Variants in CPLX2 observed in about 807,000 individuals in gnomAD.
CPLX2 encodes complexin 2, also known as complexin-2.
Under a neutral mutation model 16.3 loss-of-function variants are expected in CPLX2, and 5 were observed. That is an observed-to-expected ratio of 0.31 (90% confidence interval 0.16 to 0.64). CPLX2 has a LOEUF of 0.64. Ranked by LOEUF, CPLX2 falls within the 30% of genes least tolerant of loss-of-function variation. The probability of loss-of-function intolerance (pLI) is 0.79; values close to 1 mark genes in which losing one functional copy is unlikely to be tolerated. For missense variants in CPLX2, 144 were observed against 181.4 expected, an observed-to-expected ratio of 0.79 and a Z score of 1.18; for synonymous variants, 89 against 73.2, an observed-to-expected ratio of 1.22 and a Z score of -1.10.
chr5:175,814,281 C>T (rs1418198080), intron 2 of CPLX2, among the ~76,000 whole-genome samples: 1 of 152,232 alleles, frequency 6.6e-6, no homozygotes, highest in African/African-American at 2.4e-5. Flanking sequence ...AGGGAGATTG[C>T]TGGGCAGGTG....
chr5:175,822,827 G>T (rs946886783), intron 2 of CPLX2, among the ~76,000 whole-genome samples: 5 of 152,200 alleles, frequency 3.3e-5, no homozygotes, highest in African/African-American at 1.2e-4. Context: ...TGGGTCCCAC[G>T]CTATCACACG....
chr5:175,813,348 G>T (rs1758347142), intron 2 of CPLX2, among the ~76,000 whole-genome samples: 1 of 152,244 alleles, frequency 6.6e-6, no homozygotes, highest in Non-Finnish European at 1.5e-5. Context: ...GCACAGGAAT[G>T]ACTGAAATTT....
chr5:175,869,650 A>G (rs1454257287), upstream of CPLX2, among the ~76,000 whole-genome samples: 1 of 152,194 alleles, frequency 6.6e-6, no homozygotes, highest in East Asian at 1.9e-4. Flanking sequence ...GCCAGCCCTT[A>G]AAGGGTTAAT....
chr5:175,880,193 G>A lies in CPLX2; in HGVS notation c.*148G>A, dbSNP rs1005897192. On this transcript the variant is annotated 3_prime_UTR_variant, in exon 4 of 4. Coordinates refer to ENST00000393745, the MANE Select transcript of CPLX2 (RefSeq NM_001008220.2). ...CCTGGCCAGGGGCTTCTCCCCCTCAGCTCTCCCTCACACCTCCCTTCATCC... is the reference window on the plus strand; with the variant it reads ...CCTGGCCAGGGGCTTCTCCCCCTCAACTCTCCCTCACACCTCCCTTCATCC... 2.5e-6 allele frequency: 2 copies of A among 815,770 alleles called. No individual in the cohort carries two copies. The highest frequency in any genetic ancestry group is 2.1e-6 in the Non-Finnish European group (1 of 476,516). 50.5% of individuals were successfully genotyped at this position (815,770 alleles called of 1,614,324 possible). A position where few individuals can be genotyped will look rare whatever the true frequency, so the allele number is the denominator to read the frequency against.
chr5:175,845,763 G>A lies in CPLX2; in HGVS notation c.-88-32889G>A, dbSNP rs1759032143. 6.6e-6 allele frequency among the ~76,000 whole-genome samples: 1 copy of A among 152,136 alleles called. No homozygotes were observed. ...ATAAATGGATGAGTGATGTGCCCAA[G>A]GTCACGTGGCTGTCAGATAACAGAG... is the stretch of plus-strand genomic sequence containing the variant. On this transcript the variant is annotated intron_variant, in intron 2 of 4. Transcript: ENST00000359546. This position sits in a 1 kb window ranked among gnomAD's most constrained non-coding sequence, Gnocchi z 4.0.
intron 2 of CPLX2, among the ~76,000 whole-genome samples, chr5:175,857,780 C>T (rs1212905988): frequency 6.6e-6 from 1 of 152,222 alleles, no homozygotes; most frequent in African/African-American, 2.4e-5. Flanking sequence ...CCTGTCCACT[C>T]CCACCAGAAA....
At chr5:175,821,363 C>A (rs1184931501) in intron 2 of CPLX2, among the ~76,000 whole-genome samples, 2 of 152,120 alleles carry the variant, frequency 1.3e-5, no homozygotes, top group Non-Finnish European at 2.9e-5. Flanking sequence ...CCCTCTCCAA[C>A]TTCCTGTTAC....
At chr5:175,871,365 GAGA>G (rs1367032883), upstream of CPLX2, 3 of 137,940 alleles carry the variant, frequency 2.2e-5, no homozygotes, top group African/African-American at 8.2e-5. Context: ...GAGAGAGGGA[GAGA>G]AGGAGGGGAC....
intron 2 of CPLX2, among the ~76,000 whole-genome samples, chr5:175,838,692 A>G: frequency 6.6e-6 from 1 of 152,094 alleles, no homozygotes; most frequent in East Asian, 1.9e-4. Flanking sequence ...AGTTCTTTGA[A>G]GTCCTAAGAT....
intron 2 of CPLX2, among the ~76,000 whole-genome samples, chr5:175,834,654 C>G (rs143469876): frequency 6.6e-6 from 1 of 152,122 alleles, no homozygotes; most frequent in Admixed American, 6.5e-5. Context: ...GGACAGATCA[C>G]GAGGTCAGGA....
At chr5:175,856,791 G>T (rs1051003468) in intron 2 of CPLX2, among the ~76,000 whole-genome samples, 1 of 152,154 alleles carries the variant, frequency 6.6e-6, no homozygotes, top group African/African-American at 2.4e-5. Context: ...CAGGAAGGTG[G>T]GGGGTGGGGA....
chr5:175,846,730 A>T (rs1203792022), intron 2 of CPLX2, among the ~76,000 whole-genome samples: 2 of 151,896 alleles, frequency 1.3e-5, no homozygotes, highest in Non-Finnish European at 2.9e-5. Flanking sequence ...TCAGCCCCCC[A>T]ACTCAATGCC....
upstream of CPLX2, chr5:175,871,385 G>A (rs1171569301): frequency 1.5e-5 from 2 of 134,816 alleles, no homozygotes; most frequent in Admixed American, 7.7e-5. Flanking sequence ...GGACGAGGGG[G>A]GAGGGAGGGA....
upstream of CPLX2, among the ~76,000 whole-genome samples, chr5:175,870,836 G>A (rs1759573479): frequency 6.6e-6 from 1 of 152,212 alleles, no homozygotes; most frequent in Admixed American, 6.5e-5. Flanking sequence ...GTCCACTGCA[G>A]TTTTGCATCA....
chr5:175,878,631 A>T (rs1755471587), intron 1 of CPLX2, 21 bp from the exon 2 acceptor site: 8 of 1,269,844 alleles, frequency 6.3e-6, no homozygotes, highest in Non-Finnish European at 8.9e-6. Context: ...CTCCCATCTG[A>T]CTCCCAATTC....
At chr5:175,840,078 T>C (rs1302499393) in intron 2 of CPLX2, among the ~76,000 whole-genome samples, 1 of 152,256 alleles carries the variant, frequency 6.6e-6, no homozygotes, top group East Asian at 1.9e-4. Flanking sequence ...ATTTATCCAT[T>C]TCTTTTTCGA....
chr5:175,851,571 C>G (rs1466098191), intron 2 of CPLX2, among the ~76,000 whole-genome samples: 1 of 152,218 alleles, frequency 6.6e-6, no homozygotes, highest in African/African-American at 2.4e-5. Flanking sequence ...CTGTGGGGTC[C>G]TCTGCAAGGC....
At chr5:175,817,092 G>A (rs1758421781) in intron 2 of CPLX2, among the ~76,000 whole-genome samples, 1 of 152,190 alleles carries the variant, frequency 6.6e-6, no homozygotes. Flanking sequence ...GACCATGGCC[G>A]ATAGCAAGTC....
At chr5:175,852,234 G>A (rs7446146) in intron 2 of CPLX2, among the ~76,000 whole-genome samples, 130,320 of 152,094 alleles carry the variant, frequency 0.86, 56,900 homozygotes, top group East Asian at 0.98. Context: ...ACAGGAATAC[G>A]AAACTTTACC....
Sources: gnomAD v4.1 joint callset for allele counts (sites outside exome capture counted in the v4.1 genomes callset) on GRCh38, gnomAD v4.1.1 for gene constraint, Gnocchi (gnomAD v3.1) non-coding constraint, MANE v1.5 for transcripts, NCBI Gene and HGNC (gene_info 2026-07-23, HGNC 2026-07-21) for gene names.